Variants in ACOT12 observed in about 807,000 individuals in gnomAD.
ACOT12 encodes acyl-CoA thioesterase 12.
ACOT12 carries 51 observed loss-of-function variants against 67.7 expected under a neutral mutation model. The observed-to-expected ratio is 0.75, with a 90% CI of 0.60 to 0.95. The LOEUF (loss-of-function observed/expected upper bound fraction) is 0.95. Ranked by LOEUF, ACOT12 falls within the 40% of genes least tolerant of loss-of-function variation. The pLI is 0.00. For missense variants in ACOT12, 734 were observed against 708.1 expected, an observed-to-expected ratio of 1.04 and a Z score of -0.41; for synonymous variants, 251 against 244.6, an observed-to-expected ratio of 1.03 and a Z score of -0.24.
chr5:81,327,855 C>T (rs1316273153), downstream of ACOT12, among the ~76,000 whole-genome samples: 1 of 152,076 alleles, frequency 6.6e-6, no homozygotes, highest in Non-Finnish European at 1.5e-5. Context: ...TTTGACACTC[C>T]AAAGAAAAAA....
intron 4 of ACOT12, among the ~76,000 whole-genome samples, chr5:81,360,880 T>C (rs1289555245): frequency 6.6e-6 from 1 of 151,942 alleles, no homozygotes. Flanking sequence ...TGTGAGCCAC[T>C]GCACCTGGCC....
rs1326376978 is a variant in ACOT12 at position 81,360,020 on chromosome 5, T to C, written c.379A>G (p.Thr127Ala). The C allele has an allele frequency of 6.2e-7, 1 of 1,605,444 alleles. No homozygotes were observed. Among genetic ancestry groups the C allele is most frequent in the Non-Finnish European group, 8.5e-7 (1 of 1,178,242 alleles). ...ACATGATCTTGTTCAGTTAGAAGTG[T>C]GACTGGTTTTAAATGAATCTAGAGA... ...GKEKIHLKPV[T>A]LLTEQDHVEH... The change falls in exon 5 of 15, where the codon ACA (threonine) becomes GCA (alanine). Residue 127 changes from threonine (T) to alanine (A), a missense_variant. Coordinates refer to ENST00000307624, the MANE Select transcript of ACOT12 (RefSeq NM_130767.3).
At chr5:81,311,213 G>C in the ACOT12 span, 10 of 1,613,942 alleles carry the variant, frequency 6.2e-6, no homozygotes, top group Non-Finnish European at 7.6e-6. Flanking sequence ...TTCAATAGGT[G>C]GCGGTTGCAA....
At position 81,371,853 on chromosome 5, in the gene ACOT12, T is replaced by C. The variant is rs60797542; in HGVS notation, c.198-43A>G. ...AAAAAACCTCAGTAGTTTTAGCACATTTCATTTCAGATAAGACTTAAAGAT... is the reference window on the plus strand; with the variant it reads ...AAAAAACCTCAGTAGTTTTAGCACACTTCATTTCAGATAAGACTTAAAGAT... On this transcript the variant is annotated intron_variant, in intron 2 of 14. Transcript: ENST00000307624. The C allele has an allele frequency of 8.2e-4, 1,280 of 1,552,408 alleles. 5 individuals are homozygous for C. In the African/African-American group the frequency reaches 0.014, roughly 17 times the overall value.
intron 5 of ACOT12, among the ~76,000 whole-genome samples, chr5:81,359,036 C>T (rs1759815259): frequency 6.6e-6 from 1 of 152,086 alleles, no homozygotes; most frequent in Admixed American, 6.5e-5. Flanking sequence ...TCCCTTTCCT[C>T]TGGCCTTTCC....
intron 2 of ACOT12, among the ~76,000 whole-genome samples, chr5:81,378,912 G>C (rs1760497386): frequency 6.6e-6 from 1 of 152,194 alleles, no homozygotes. Flanking sequence ...CATTGTGGAA[G>C]ACAACGTGGC....
chr5:81,355,758 G>C (rs1394249054), intron 5 of ACOT12, among the ~76,000 whole-genome samples: 1 of 152,168 alleles, frequency 6.6e-6, no homozygotes, highest in African/African-American at 2.4e-5. Flanking sequence ...GGGTTGAGTG[G>C]GCCGATGGAT....
chr5:81,381,415 A>G (rs1166501151), intron 2 of ACOT12, among the ~76,000 whole-genome samples: 1 of 152,214 alleles, frequency 6.6e-6, no homozygotes, highest in African/African-American at 2.4e-5. Flanking sequence ...AAATGCTGCT[A>G]TGCAGCACAT....
chr5:81,380,565 A>G (rs79484328), intron 2 of ACOT12, among the ~76,000 whole-genome samples: 3 of 137,776 alleles, frequency 2.2e-5, no homozygotes, highest in Non-Finnish European at 4.8e-5. Flanking sequence ...CTGTCTTAGA[A>G]AAAAAAAAAA....
chr5:81,343,580 T>C (rs1012424447), intron 10 of ACOT12, among the ~76,000 whole-genome samples: 3 of 152,262 alleles, frequency 2.0e-5, no homozygotes, highest in African/African-American at 4.8e-5. Context: ...ACATATCTGA[T>C]GGCAGAGCAT....
At chr5:81,361,683 G>A (rs1759913604) in intron 4 of ACOT12, among the ~76,000 whole-genome samples, 1 of 152,192 alleles carries the variant, frequency 6.6e-6, no homozygotes, top group African/African-American at 2.4e-5. Context: ...TGTGCCTGGA[G>A]ACCTCCACCC....
At chr5:81,353,624 T>C (rs1217897062) in intron 5 of ACOT12, among the ~76,000 whole-genome samples, 1 of 152,218 alleles carries the variant, frequency 6.6e-6, no homozygotes, top group Non-Finnish European at 1.5e-5. Context: ...TTTAAGTTTT[T>C]CCCCTATATG....
In ACOT12 at chr5:81,385,767, C is replaced by T. The variant is rs1760709632; in HGVS notation, c.187G>A (p.Glu63Lys). 2.5e-6 allele frequency: 4 copies of T among 1,613,964 alleles called. No individual in the cohort carries two copies. The highest frequency in any genetic ancestry group is 3.3e-4 in the Middle Eastern group (2 of 6,082). Residue 63 changes from glutamate (E) to lysine (K), a missense_variant, in exon 2 of 15, where the codon GAG becomes AAG. By Grantham distance (56) the Glu-to-Lys change is moderately conservative. Coordinates refer to ENST00000307624, the MANE Select transcript of ACOT12 (RefSeq NM_130767.3). ...AGCAATGTCACTTACCTAGCTGTCT[C>T]CTCAAACTGTATGTCATCCACTGAG... Reference protein sequence around the residue: ...TASVDDIQFEETARVGQVITI... With the variant: ...TASVDDIQFEKTARVGQVITI...
chr5:81,378,320 T>G (rs140787967), intron 2 of ACOT12, among the ~76,000 whole-genome samples: 2 of 152,206 alleles, frequency 1.3e-5, no homozygotes, highest in African/African-American at 4.8e-5. Flanking sequence ...CCTTACACCT[T>G]ATACAAAAAT....
Position 81,345,015 on chromosome 5 carries a change from G to T in ACOT12, c.800C>A (p.Ala267Asp), listed in dbSNP as rs1444390448. The T allele has an allele frequency of 1.2e-6, 2 of 1,614,128 alleles. No individual in the cohort carries two copies. Among genetic ancestry groups the T allele is most frequent in the Non-Finnish European group, 1.7e-6 (2 of 1,180,000 alleles). The stretch of plus-strand genomic sequence containing the variant: ...CTCGGCCCATTCCTGACAGTCAAAG[G>T]CCTCCACGCGAACTCCAACTTCAAC... ...TCVEVGVRVEAFDCQEWAEGR... is the reference protein window; with the variant it reads ...TCVEVGVRVEDFDCQEWAEGR... Residue 267 changes from alanine to aspartate, a missense_variant, in exon 8 of 15, where the codon GCC becomes GAC. Transcript: ENST00000307624.
At chr5:81,356,522 C>T (rs1759719471) in intron 5 of ACOT12, among the ~76,000 whole-genome samples, 1 of 152,154 alleles carries the variant, frequency 6.6e-6, no homozygotes, top group East Asian at 1.9e-4. Context: ...AGTTGTCTCT[C>T]AGATGAAATC....
At position 81,372,317 on chromosome 5, in the gene ACOT12, C is replaced by A. The variant is rs879432430; in HGVS notation, c.198-507G>T. Among the ~76,000 whole-genome samples the A allele has an allele frequency of 3.3e-5, 5 of 152,158 alleles. 1 individual carries two copies. The highest frequency in any genetic ancestry group is 6.5e-5 in the Admixed American group (1 of 15,270). ...TATTATTGAAACTTCGATCATGTAA[C>A]CTGAAGTTGTTCCAAAACTTTTGTA... On this transcript the variant is annotated intron_variant, in intron 2 of 14. Transcript: ENST00000307624.
intron 5 of ACOT12, among the ~76,000 whole-genome samples, chr5:81,358,853 G>GA (rs10617260): frequency 0.057 from 8,078 of 142,956 alleles, 695 homozygotes; most frequent in African/African-American, 0.19. Flanking sequence ...CTGTCTCAAA[G>GA]AAAAAAAAAA....
At chr5:81,311,412 A>T in the ACOT12 span, 4 of 936,230 alleles carry the variant, frequency 4.3e-6, no homozygotes. Context: ...TGTAGCAATG[A>T]CTTAATCTCT....
Sources: allele counts gnomAD v4.1 joint callset (sites outside exome capture counted in the v4.1 genomes callset), GRCh38; gene constraint gnomAD v4.1.1; transcripts MANE v1.5; gene names NCBI Gene and HGNC (gene_info 2026-07-23, HGNC 2026-07-21).